FHIT: variants seen among roughly 807,000 people sequenced by gnomAD.
FHIT encodes the protein bis(5'-adenosyl)-triphosphatase.
A neutral mutation model predicts 17.9 loss-of-function variants in FHIT; 19 were observed. The observed-to-expected ratio is 1.06, with a 90% CI of 0.74 to 1.56. The LOEUF is 1.56. Among genes scored for constraint, FHIT ranks in the 40% most tolerant of loss-of-function variants. The pLI is 0.00. For missense variants in FHIT, 248 were observed against 189.2 expected (o/e 1.31, Z -1.82); for synonymous variants, 81 against 69.7 (o/e 1.16, Z -0.81).
At chr3:59,936,203 T>TA (rs1434567154) in intron 7 of FHIT, among the ~76,000 whole-genome samples, 1 of 152,218 alleles carries the variant, frequency 6.6e-6, no homozygotes, top group Non-Finnish European at 1.5e-5. Flanking sequence ...TTTCTTTGGA[T>TA]ATCTTCTGAT....
chr3:60,024,160 A>T (rs1042278891), intron 5 of FHIT, among the ~76,000 whole-genome samples: 1 of 152,226 alleles, frequency 6.6e-6, no homozygotes, highest in Non-Finnish European at 1.5e-5. Context: ...AAGTTCAAAG[A>T]TAACAGTGTT....
At chr3:59,830,469 A>G (rs1042421783) in intron 8 of FHIT, among the ~76,000 whole-genome samples, 38 of 152,198 alleles carry the variant, frequency 2.5e-4, no homozygotes, top group African/African-American at 8.9e-4. Flanking sequence ...AGGGACTCCA[A>G]AATGTGCCAT....
intron 4 of FHIT, among the ~76,000 whole-genome samples, chr3:60,649,933 C>T (rs2039952729): frequency 6.6e-6 from 1 of 152,190 alleles, no homozygotes; most frequent in East Asian, 1.9e-4. Flanking sequence ...AGCACCAGCA[C>T]CTGTCCCATA....
At chr3:59,885,533 T>C (rs976130025) in intron 8 of FHIT, among the ~76,000 whole-genome samples, 4 of 151,752 alleles carry the variant, frequency 2.6e-5, no homozygotes, top group African/African-American at 9.7e-5. Context: ...CATCAGCAAC[T>C]GCAGCCTATT....
chr3:61,063,213 GC>G (rs1435865981), intron 2 of FHIT, among the ~76,000 whole-genome samples: 1 of 136,606 alleles, frequency 7.3e-6, no homozygotes, highest in Non-Finnish European at 1.5e-5. Context: ...CTGAGACCGC[GC>G]CACTGCACTC....
chr3:60,162,914 G>T (rs1028532955), intron 5 of FHIT, among the ~76,000 whole-genome samples: 6 of 152,154 alleles, frequency 3.9e-5, no homozygotes, highest in Non-Finnish European at 7.4e-5. Flanking sequence ...TTTCCTATGA[G>T]AATTGGTCTC....
At chr3:60,654,295 A>G (rs1193848035) in intron 4 of FHIT, among the ~76,000 whole-genome samples, 3 of 152,186 alleles carry the variant, frequency 2.0e-5, no homozygotes, top group African/African-American at 7.2e-5. Context: ...TTTCTTAGGA[A>G]GTTAATAGCA....
chr3:60,273,694 T>C (rs1401598230), intron 5 of FHIT, among the ~76,000 whole-genome samples: 1 of 152,172 alleles, frequency 6.6e-6, no homozygotes, highest in Non-Finnish European at 1.5e-5. Context: ...ATAAACAAAA[T>C]GACAATAAAT....
intron 5 of FHIT, among the ~76,000 whole-genome samples, chr3:60,195,008 A>G (rs1450724421): frequency 6.6e-6 from 1 of 152,158 alleles, no homozygotes; most frequent in African/African-American, 2.4e-5. Context: ...ACAACTAAAA[A>G]TACAAACATT....
intron 5 of FHIT, among the ~76,000 whole-genome samples, chr3:60,054,780 T>C (rs113569738): frequency 0.012 from 1,878 of 152,340 alleles, 20 homozygotes; most frequent in Non-Finnish European, 0.019. Flanking sequence ...TACTGTTGTT[T>C]ATACCTTCAG....
chr3:59,914,481 G>C (rs1160320797), intron 8 of FHIT, among the ~76,000 whole-genome samples: 2 of 152,122 alleles, frequency 1.3e-5, no homozygotes, highest in Non-Finnish European at 2.9e-5. Flanking sequence ...CTTGCTCCAA[G>C]CTAAGAGGTT....
chr3:59,893,598 T>C (rs891149656), intron 8 of FHIT, among the ~76,000 whole-genome samples: 5 of 152,222 alleles, frequency 3.3e-5, no homozygotes, highest in African/African-American at 1.2e-4. Context: ...AGGAAGTGTG[T>C]TCTAACTGCC....
intron 5 of FHIT, among the ~76,000 whole-genome samples, chr3:60,447,233 A>T (rs1468292381): frequency 6.6e-6 from 1 of 152,046 alleles, no homozygotes; most frequent in Non-Finnish European, 1.5e-5. Context: ...TGGCTTTTCT[A>T]TTGTTTTCAA....
intron 5 of FHIT, among the ~76,000 whole-genome samples, chr3:60,523,794 G>A (rs1487886376): frequency 1.3e-5 from 2 of 152,116 alleles, no homozygotes; most frequent in African/African-American, 2.4e-5. Flanking sequence ...GCATGGGAGG[G>A]GTTGAGTATT....
rs756775465 is a variant in FHIT, at chr3:60,389,706, G to A, written c.103+147154C>T. The stretch of plus-strand genomic sequence containing the variant: ...TATGGTCGATAATGAGGTCTTTACC[G>A]TGTAGCCATATTTCAAGCCATTGTT... On this transcript the variant is annotated intron_variant, in intron 5 of 9. Coordinates refer to ENST00000492590, the MANE Select transcript of FHIT (RefSeq NM_002012.4). Among the ~76,000 whole-genome samples the A allele has an allele frequency of 1.9e-4, 29 of 152,116 alleles. 1 individual carries two copies. Among genetic ancestry groups the A allele is most frequent in the Admixed American group, 7.2e-4 (11 of 15,254 alleles).
At chr3:60,392,352 A>T (rs998766233) in intron 5 of FHIT, among the ~76,000 whole-genome samples, 1 of 152,218 alleles carries the variant, frequency 6.6e-6, no homozygotes, top group Non-Finnish European at 1.5e-5. Context: ...GCCCAAAATA[A>T]ACCAGCAATT....
intron 7 of FHIT, among the ~76,000 whole-genome samples, chr3:59,933,540 CAA>C (rs1426650999): frequency 6.6e-6 from 1 of 152,060 alleles, no homozygotes; most frequent in Non-Finnish European, 1.5e-5. Context: ...ACCAAGCTGG[CAA>C]AAGTGGCCGA....
intron 4 of FHIT, among the ~76,000 whole-genome samples, chr3:60,565,332 C>A (rs1429776162): frequency 6.6e-6 from 1 of 152,092 alleles, no homozygotes; most frequent in Non-Finnish European, 1.5e-5. Context: ...TGGAGGTGGG[C>A]ATACTACCCA....
chr3:60,209,083 A>C (rs547341868), intron 5 of FHIT, among the ~76,000 whole-genome samples: 55 of 152,312 alleles, frequency 3.6e-4, no homozygotes, highest in African/African-American at 1.3e-3. Flanking sequence ...TAAATACATC[A>C]TTCAAATTTC....
Sources: gnomAD v4.1 joint callset for allele counts (sites outside exome capture counted in the v4.1 genomes callset) on GRCh38, gnomAD v4.1.1 for gene constraint, MANE v1.5 for transcripts, NCBI Gene and HGNC (gene_info 2026-07-23, HGNC 2026-07-21) for gene names.